The following SMYD3 variants were observed in gnomAD, a reference collection of about 807,000 sequenced individuals.
SMYD3 encodes the protein histone-lysine N-methyltransferase SMYD3.
In SMYD3, 36 loss-of-function variants were observed where a neutral mutation model predicts 57.7. The observed-to-expected ratio is 0.62, with a 90% CI of 0.48 to 0.82. The LOEUF is 0.82. SMYD3 is among the 40% of genes least tolerant of loss of function. The probability of loss-of-function intolerance (pLI) is 0.00; values close to 1 mark genes in which losing one functional copy is unlikely to be tolerated. For missense variants in SMYD3, 515 were observed against 538.8 expected (o/e 0.96, Z 0.44); for synonymous variants, 211 against 195.0 (o/e 1.08, Z -0.68).
chr1:246,027,420 A>T (rs920457929), intron 5 of SMYD3, among the ~76,000 whole-genome samples: 1 of 151,992 alleles, frequency 6.6e-6, no homozygotes, highest in Non-Finnish European at 1.5e-5. Context: ...AGACAGAATG[A>T]CTCTCTTGTT....
At position 246,341,273 on chromosome 1, in the gene SMYD3, A is replaced by C. The variant is rs2065630143; in HGVS notation, c.229-5799T>G. ...CTTAACTTTTTAATGTTTATTTTGGAAATCTAGTTGCAACTCAAAGCATGA... is the reference window on the plus strand; with the variant it reads ...CTTAACTTTTTAATGTTTATTTTGGCAATCTAGTTGCAACTCAAAGCATGA... On this transcript the variant is annotated intron_variant, in intron 2 of 11. Coordinates refer to ENST00000490107, the MANE Select transcript of SMYD3 (RefSeq NM_001167740.2). 5.9e-5 allele frequency among the ~76,000 whole-genome samples: 9 copies of C among 152,320 alleles called. No homozygotes were observed. In the South Asian group the frequency reaches 1.9e-3, roughly 32 times the overall value.
intron 2 of SMYD3, among the ~76,000 whole-genome samples, chr1:246,352,079 G>C (rs2065837880): frequency 6.9e-6 from 1 of 143,944 alleles, no homozygotes; most frequent in South Asian, 2.3e-4. Flanking sequence ...GGAGGTTGCA[G>C]GGAGCTGAGA....
At chr1:246,429,512 A>C (rs2067269175) in intron 1 of SMYD3, among the ~76,000 whole-genome samples, 1 of 152,234 alleles carries the variant, frequency 6.6e-6, no homozygotes, top group Non-Finnish European at 1.5e-5. Context: ...CATCAGCTGG[A>C]GTTGTAAAAA....
At chr1:246,212,450 T>C (rs1432712949) in intron 5 of SMYD3, among the ~76,000 whole-genome samples, 1 of 152,114 alleles carries the variant, frequency 6.6e-6, no homozygotes. Context: ...AAGCAGCCAA[T>C]ACATAAATGC....
At chr1:246,341,539 C>G (rs1200858068) in intron 2 of SMYD3, among the ~76,000 whole-genome samples, 1 of 151,946 alleles carries the variant, frequency 6.6e-6, no homozygotes, top group Non-Finnish European at 1.5e-5. Context: ...GTAAAATTTA[C>G]TATATATTAT....
intron 8 of SMYD3, among the ~76,000 whole-genome samples, chr1:245,888,922 C>T (rs1392292804): frequency 1.3e-5 from 2 of 152,170 alleles, no homozygotes; most frequent in African/African-American, 4.8e-5. Context: ...CCCTAATACA[C>T]GGAGCTGCAT....
At chr1:246,194,298 C>G (rs1425077955) in intron 5 of SMYD3, among the ~76,000 whole-genome samples, 1 of 150,320 alleles carries the variant, frequency 6.7e-6, no homozygotes, top group Non-Finnish European at 1.5e-5. Flanking sequence ...CATGGAGGCT[C>G]GCCCAGTCAC....
chr1:245,858,777 G>T (rs2148478988), intron 9 of SMYD3, 107 bp from the exon 10 acceptor site: 2 of 1,145,676 alleles, frequency 1.7e-6, no homozygotes, highest in Non-Finnish European at 2.5e-6. Context: ...AGCGAGGGAA[G>T]CACCCGTTAT....
chr1:246,045,071 C>A (rs4390145), intron 5 of SMYD3, among the ~76,000 whole-genome samples: 3 of 151,906 alleles, frequency 2.0e-5, no homozygotes, highest in African/African-American at 7.3e-5. Context: ...GTAATTTATA[C>A]ATTCAATGCC....
intron 11 of SMYD3, among the ~76,000 whole-genome samples, chr1:245,751,560 G>GAGAGAC (rs2045361894): frequency 6.7e-6 from 1 of 149,228 alleles, no homozygotes; most frequent in African/African-American, 2.5e-5. Flanking sequence ...GAGAGACAGA[G>GAGAGAC]AGACAGAGAG....
intron 5 of SMYD3, among the ~76,000 whole-genome samples, chr1:246,228,778 C>T (rs1336030715): frequency 6.6e-6 from 1 of 151,942 alleles, no homozygotes; most frequent in African/African-American, 2.4e-5. Flanking sequence ...AAAATTAAAC[C>T]TCCATCATCT....
intron 5 of SMYD3, among the ~76,000 whole-genome samples, chr1:245,971,549 G>C (rs1404237643): frequency 6.6e-6 from 1 of 152,296 alleles, no homozygotes; most frequent in African/African-American, 2.4e-5. Context: ...ACACGCTCTC[G>C]TCTGGTTAGA....
At chr1:245,989,807 A>G (rs986870054) in intron 5 of SMYD3, among the ~76,000 whole-genome samples, 1 of 152,212 alleles carries the variant, frequency 6.6e-6, no homozygotes, top group African/African-American at 2.4e-5. Flanking sequence ...ATCTTATTAA[A>G]CTTACTCAGA....
intron 8 of SMYD3, among the ~76,000 whole-genome samples, chr1:245,884,311 A>T (rs917108693): frequency 6.6e-5 from 10 of 152,184 alleles, no homozygotes; most frequent in Non-Finnish European, 1.2e-4. Flanking sequence ...TCGAGGATGC[A>T]GACACACAAA....
At chr1:245,977,548 G>A (rs1244242558) in intron 5 of SMYD3, among the ~76,000 whole-genome samples, 2 of 152,058 alleles carry the variant, frequency 1.3e-5, no homozygotes, top group African/African-American at 2.4e-5. Context: ...GTGTGGTGGT[G>A]CATGCCTGTA....
chr1:246,306,928 A>T (rs2064989525), intron 5 of SMYD3, among the ~76,000 whole-genome samples: 1 of 152,150 alleles, frequency 6.6e-6, no homozygotes, highest in Non-Finnish European at 1.5e-5. Flanking sequence ...ATGACCTGAC[A>T]TCAAGTCAGA....
chr1:246,277,011 G>C (rs1258683317), intron 5 of SMYD3, among the ~76,000 whole-genome samples: 1 of 152,196 alleles, frequency 6.6e-6, no homozygotes, highest in African/African-American at 2.4e-5. Context: ...TGGGGGTAAT[G>C]AAAGTACTAA....
chr1:246,128,591 T>G lies in SMYD3; in HGVS notation c.531+198610A>C, dbSNP rs12060752. ...GTTCATAGATGAACAAACTGGGATT[T>G]AGAGAGAGTACAACAGCTGTTCTAC... On this transcript the variant is annotated intron_variant, in intron 5 of 11. Transcript: ENST00000490107. Among the ~76,000 whole-genome samples, 466 of 152,236 alleles carry G rather than the reference T, an allele frequency of 3.1e-3. 1 individual carries two copies. Among genetic ancestry groups the G allele is most frequent in the African/African-American group, 0.011 (450 of 41,530 alleles).
chr1:246,055,057 T>C (rs576912376), intron 5 of SMYD3, among the ~76,000 whole-genome samples: 3 of 151,876 alleles, frequency 2.0e-5, no homozygotes, highest in Admixed American at 2.0e-4. Flanking sequence ...GCACCTGTAG[T>C]CCCAGCTACT....
Sources: gnomAD v4.1 joint callset for allele counts (sites outside exome capture counted in the v4.1 genomes callset) on GRCh38, gnomAD v4.1.1 for gene constraint, MANE v1.5 for transcripts, NCBI Gene and HGNC (gene_info 2026-07-23, HGNC 2026-07-21) for gene names.